The following SCLT1 variants were observed in gnomAD, a reference collection of about 807,000 sequenced individuals.
SCLT1 encodes the protein sodium channel-associated protein 1.
A neutral mutation model predicts 112.8 loss-of-function variants in SCLT1; 78 were observed. The ratio of observed to expected loss-of-function variants is 0.69; its 90% CI spans 0.58 to 0.83. The LOEUF (loss-of-function observed/expected upper bound fraction) is 0.83. Ranked by LOEUF, SCLT1 falls within the 40% of genes least tolerant of loss-of-function variation. The pLI is 0.00. For synonymous variants in SCLT1, 257 were observed against 254.7 expected (o/e 1.01, Z -0.09); for missense variants, 747 against 770.4 (o/e 0.97, Z 0.36).
intron 18 of SCLT1, among the ~76,000 whole-genome samples, chr4:128,917,509 G>T (rs1323204627): frequency 6.6e-6 from 1 of 152,036 alleles, no homozygotes; most frequent in South Asian, 2.1e-4. Flanking sequence ...TGCTGTAATT[G>T]ACCACAGACA....
chr4:129,006,279 C>T (rs192952793), intron 5 of SCLT1, among the ~76,000 whole-genome samples: 2 of 152,182 alleles, frequency 1.3e-5, no homozygotes, highest in East Asian at 3.9e-4. Context: ...GTGGCTCACA[C>T]CTGTAATCCC....
chr4:129,049,502 A>T (rs1579844025), intron 2 of SCLT1, among the ~76,000 whole-genome samples: 1 of 119,898 alleles, frequency 8.3e-6, no homozygotes. Context: ...GGGGGGAGGG[A>T]TAGCATTAGG....
At chr4:129,020,011 G>A (rs976154026) in intron 5 of SCLT1, among the ~76,000 whole-genome samples, 33 of 152,200 alleles carry the variant, frequency 2.2e-4, no homozygotes, top group African/African-American at 7.5e-4. Context: ...AATTCCTTAA[G>A]CAGAGAATAT....
intron 18 of SCLT1, among the ~76,000 whole-genome samples, chr4:128,900,311 A>C (rs1256847853): frequency 6.6e-6 from 1 of 152,218 alleles, no homozygotes. Context: ...ACAGCATGGT[A>C]CTGGTACCAA....
intron 5 of SCLT1, chr4:129,037,445 G>A (rs1483781747): frequency 6.6e-6 from 1 of 152,150 alleles, no homozygotes; most frequent in East Asian, 1.9e-4. Context: ...TTGATATGGT[G>A]GCTGGTAAGT....
intron 9 of SCLT1, among the ~76,000 whole-genome samples, chr4:128,975,281 C>T (rs554003863): frequency 2.1e-4 from 32 of 151,922 alleles, no homozygotes; most frequent in South Asian, 1.3e-3. Context: ...CCTCATGGTC[C>T]GCCTGCCTCG....
intron 4 of SCLT1, among the ~76,000 whole-genome samples, chr4:129,040,711 G>A (rs776688250): frequency 3.9e-5 from 6 of 152,140 alleles, no homozygotes; most frequent in Admixed American, 6.5e-5. Flanking sequence ...GCAGAAAATC[G>A]TCCATATAGA....
intron 8 of SCLT1, among the ~76,000 whole-genome samples, chr4:128,994,827 G>T (rs1254421681): frequency 2.0e-5 from 3 of 152,020 alleles, no homozygotes; most frequent in Non-Finnish European, 4.4e-5. Flanking sequence ...ACCTATTTAA[G>T]TACTTAGCTC....
At chr4:128,945,765 C>T (rs745684195) in intron 16 of SCLT1, among the ~76,000 whole-genome samples, 4 of 151,992 alleles carry the variant, frequency 2.6e-5, no homozygotes, top group Non-Finnish European at 5.9e-5. Flanking sequence ...TTATAAACAT[C>T]CTATTTAACT....
chr4:128,940,622 T>C (rs572330994), intron 17 of SCLT1, among the ~76,000 whole-genome samples: 102 of 152,058 alleles, frequency 6.7e-4, no homozygotes, highest in African/African-American at 2.3e-3. Context: ...AAAATACATA[T>C]GTGTACACAC....
intron 2 of SCLT1, among the ~76,000 whole-genome samples, chr4:129,073,023 T>C (rs541998486): frequency 6.6e-6 from 1 of 152,266 alleles, no homozygotes; most frequent in South Asian, 2.1e-4. Flanking sequence ...TGCCCCTTTT[T>C]CTATGGATGT....
At chr4:128,885,257 C>A (rs1364044586) in intron 20 of SCLT1, among the ~76,000 whole-genome samples, 1 of 152,146 alleles carries the variant, frequency 6.6e-6, no homozygotes, top group African/African-American at 2.4e-5. Flanking sequence ...AAAAAAAGAT[C>A]TAACAGTACA....
chr4:129,092,070 T>C (rs576397782), intron 1 of SCLT1, among the ~76,000 whole-genome samples: 1 of 152,362 alleles, frequency 6.6e-6, no homozygotes, highest in East Asian at 1.9e-4. Flanking sequence ...GACAACTAAC[T>C]GCACTCTGCT....
At chr4:129,046,531 T>C (rs182232942) in intron 2 of SCLT1, among the ~76,000 whole-genome samples, 3 of 152,296 alleles carry the variant, frequency 2.0e-5, no homozygotes, top group African/African-American at 7.2e-5. Context: ...CTTACTGACA[T>C]ATACTATTTC....
At chr4:128,937,461 C>G (rs887352900) in intron 17 of SCLT1, among the ~76,000 whole-genome samples, 1 of 152,066 alleles carries the variant, frequency 6.6e-6, no homozygotes, top group Non-Finnish European at 1.5e-5. Flanking sequence ...TAACATAACA[C>G]TTCTCTCTTT....
intron 2 of SCLT1, among the ~76,000 whole-genome samples, chr4:129,060,860 A>G (rs1003267225): frequency 3.3e-5 from 5 of 151,972 alleles, no homozygotes; most frequent in African/African-American, 4.8e-5. Context: ...CATTTCATCT[A>G]TCCTTTGTGG....
intron 5 of SCLT1, among the ~76,000 whole-genome samples, chr4:129,020,261 GT>G (rs1480202677): frequency 6.6e-6 from 1 of 152,144 alleles, no homozygotes; most frequent in Admixed American, 6.5e-5. Flanking sequence ...TAAAGCCAAA[GT>G]AAGGTCCTCC....
chr4:128,973,573 T>C (rs1740892611), intron 9 of SCLT1, among the ~76,000 whole-genome samples: 1 of 152,024 alleles, frequency 6.6e-6, no homozygotes, highest in Non-Finnish European at 1.5e-5. Flanking sequence ...TCTTGATATT[T>C]TACCTAGATC....
intron 5 of SCLT1, among the ~76,000 whole-genome samples, chr4:129,024,299 A>C (rs1395030081): frequency 2.0e-5 from 3 of 152,178 alleles, no homozygotes; most frequent in Non-Finnish European, 4.4e-5. Flanking sequence ...AGGCACCCCC[A>C]AGTAGGGGCA....
Sources: gnomAD v4.1 joint callset for allele counts (sites outside exome capture counted in the v4.1 genomes callset) on GRCh38, gnomAD v4.1.1 for gene constraint, MANE v1.5 for transcripts, NCBI Gene and HGNC (gene_info 2026-07-23, HGNC 2026-07-21) for gene names.